POLR3B: variants seen among roughly 807,000 people sequenced by gnomAD.
POLR3B encodes RNA polymerase III subunit B.
POLR3B carries 96 observed loss-of-function variants against 147.4 expected under a neutral mutation model. The ratio of observed to expected loss-of-function variants is 0.65; its 90% CI spans 0.55 to 0.77. POLR3B has a LOEUF of 0.77. Among genes scored for constraint, POLR3B ranks in the 30% least tolerant of loss-of-function variants. The pLI is 0.00. For synonymous variants in POLR3B, 461 were observed against 485.9 expected, an observed-to-expected ratio of 0.95 and a Z score of 0.67; for missense variants, 1,036 against 1,413.5, an observed-to-expected ratio of 0.73 and a Z score of 4.28.
At chr12:106,383,682 T>C (rs753769350) in intron 9 of POLR3B, among the ~76,000 whole-genome samples, 7 of 152,038 alleles carry the variant, frequency 4.6e-5, no homozygotes, top group Non-Finnish European at 1.0e-4. Flanking sequence ...AATAGTAACG[T>C]CAAAGAACAC....
intron 5 of POLR3B, 37 bp downstream of exon 5, chr12:106,369,387 T>G (rs1410170967): frequency 8.3e-7 from 1 of 1,205,156 alleles, no homozygotes; most frequent in Non-Finnish European, 1.2e-6. Flanking sequence ...ACTTGTTTGC[T>G]TTAACTCAGA....
intron 23 of POLR3B, among the ~76,000 whole-genome samples, chr12:106,469,628 C>A (rs1000018192): frequency 1.3e-5 from 2 of 152,024 alleles, no homozygotes; most frequent in African/African-American, 4.8e-5. Context: ...TTCAGGAGCT[C>A]TTGTAAGGCA....
chr12:106,497,874 A>G (rs890726938), intron 25 of POLR3B, among the ~76,000 whole-genome samples: 11 of 152,088 alleles, frequency 7.2e-5, no homozygotes, highest in African/African-American at 2.4e-4. Context: ...TTGCTGCTTT[A>G]TTTTCCCTGT....
intron 23 of POLR3B, among the ~76,000 whole-genome samples, chr12:106,479,376 T>C (rs2038229242): frequency 6.6e-6 from 1 of 151,654 alleles, no homozygotes; most frequent in African/African-American, 2.4e-5. Context: ...TTTATATTCT[T>C]TCTCTCTCTC....
chr12:106,452,850 A>G (rs1352053109), intron 19 of POLR3B, among the ~76,000 whole-genome samples: 1 of 152,178 alleles, frequency 6.6e-6, no homozygotes, highest in Non-Finnish European at 1.5e-5. Context: ...ATTTAAGCAC[A>G]TACTGTCATA....
intron 23 of POLR3B, among the ~76,000 whole-genome samples, chr12:106,463,837 C>A (rs912865359): frequency 2.0e-5 from 3 of 152,108 alleles, no homozygotes; most frequent in African/African-American, 7.2e-5. Flanking sequence ...CTGTTTCATT[C>A]TCCTGCAGTT....
intron 11 of POLR3B, among the ~76,000 whole-genome samples, chr12:106,408,530 G>A (rs1219057590): frequency 6.6e-6 from 1 of 152,196 alleles, no homozygotes; most frequent in African/African-American, 2.4e-5. Flanking sequence ...TCTAGTGCAT[G>A]CTAAAGTTTA....
At chr12:106,414,709 C>T (rs1022345871) in intron 12 of POLR3B, among the ~76,000 whole-genome samples, 14 of 152,262 alleles carry the variant, frequency 9.2e-5, no homozygotes, top group African/African-American at 2.9e-4. Context: ...GAGAATCCAA[C>T]CCAGTATGCT....
chr12:106,463,801 A>G (rs1471268499), intron 23 of POLR3B, among the ~76,000 whole-genome samples, 181 bp downstream of exon 23: 1 of 152,220 alleles, frequency 6.6e-6, no homozygotes, highest in Admixed American at 6.5e-5. Flanking sequence ...TTAAAAATAC[A>G]TGGTAGACTT....
rs12322722 is a variant in POLR3B, at chr12:106,486,543, C to T, written c.2714-9512C>T. ...GACACTACCTTTTCTGAGGATGAAT[C>T]CTGCTGTTTTTTAGTATTATTTTCT... On this transcript the variant is annotated intron_variant, in intron 23 of 27. Transcript: ENST00000228347. 9.9e-3 allele frequency among the ~76,000 whole-genome samples: 1,507 copies of T among 152,202 alleles called. 21 individuals carry two copies. Among genetic ancestry groups the T allele is most frequent in the African/African-American group, 0.035 (1,446 of 41,498 alleles).
intron 27 of POLR3B, 97 bp from the exon 28 acceptor site, chr12:106,509,323 T>A: frequency 8.2e-7 from 1 of 1,226,142 alleles, no homozygotes; most frequent in East Asian, 2.4e-5. Flanking sequence ...TTTGATAGAA[T>A]GATAATAGAA....
chr12:106,420,751 A>G (rs2037363902), intron 12 of POLR3B, among the ~76,000 whole-genome samples: 1 of 152,176 alleles, frequency 6.6e-6, no homozygotes, highest in African/African-American at 2.4e-5. Flanking sequence ...AATAGCATTT[A>G]TAGGTAATTT....
intron 10 of POLR3B, among the ~76,000 whole-genome samples, chr12:106,397,287 T>C (rs117889148): frequency 1.4e-4 from 21 of 152,320 alleles, no homozygotes; most frequent in Non-Finnish European, 2.6e-4. Context: ...TTGTCAACAC[T>C]CTTACTTGGT....
chr12:106,476,071 A>G (rs1565908356), intron 23 of POLR3B, among the ~76,000 whole-genome samples: 1 of 148,398 alleles, frequency 6.7e-6, no homozygotes, highest in Non-Finnish European at 1.5e-5. Context: ...GGTGGTGACA[A>G]AATCTCTCAG....
In POLR3B at chr12:106,459,353, A is replaced by G; in HGVS notation, c.2555A>G (p.Lys852Arg). The change falls in exon 22 of 28, where the codon AAA becomes AGA. Residue 852 changes from lysine to arginine, a missense_variant. Coordinates refer to ENST00000228347, the MANE Select transcript of POLR3B (RefSeq NM_018082.6). ...GSNVPQQPQY[K>R]DVPITYKGAT... ...AATGTACCACAGCAACCACAGTACA[A>G]AGATGTACCCATAACGTATGTATTG... is the stretch of plus-strand genomic sequence containing the variant. The G allele has an allele frequency of 6.5e-7, 1 of 1,539,038 alleles. No homozygotes were observed. The highest frequency in any genetic ancestry group is 1.1e-5 in the South Asian group (1 of 89,572).
intron 19 of POLR3B, among the ~76,000 whole-genome samples, chr12:106,453,051 G>C (rs576468866): frequency 6.8e-6 from 1 of 147,510 alleles, no homozygotes; most frequent in Non-Finnish European, 1.5e-5. Flanking sequence ...TTGAGACAGG[G>C]TCTTGCTCTA....
intron 9 of POLR3B, among the ~76,000 whole-genome samples, chr12:106,381,673 C>T (rs2036765782): frequency 6.6e-6 from 1 of 152,216 alleles, no homozygotes; most frequent in Non-Finnish European, 1.5e-5. Context: ...TGGGAATCAG[C>T]TTCTTGCAAA....
At chr12:106,471,706 A>G (rs1289400429) in intron 23 of POLR3B, among the ~76,000 whole-genome samples, 1 of 152,118 alleles carries the variant, frequency 6.6e-6, no homozygotes, top group East Asian at 1.9e-4. Flanking sequence ...GATAGTAGTT[A>G]ATAGGTGAAT....
Position 106,357,938 on chromosome 12 carries a change from T to C in POLR3B, c.59T>C (p.Ile20Thr). The stretch of plus-strand genomic sequence containing the variant: ...ACTCCGGAGCAGCTGGCGGCGCCGA[T>C]CCCGACTGTAGAGGTCAGTGCCAGG... ...NLTPEQLAAP[I>T]PTVEEKWRLL... The change falls in exon 1 of 28, where the codon ATC (isoleucine) becomes ACC (threonine). Residue 20 changes from isoleucine (I) to threonine (T), a missense_variant. Ile to Thr is a moderately conservative substitution (Grantham distance 89). Transcript: ENST00000228347. The C allele has an allele frequency of 1.2e-6, 2 of 1,613,032 alleles. No homozygotes were observed. The highest frequency in any genetic ancestry group is 1.7e-5 in the Admixed American group (1 of 60,008).
Sources: allele counts gnomAD v4.1 joint callset (sites outside exome capture counted in the v4.1 genomes callset), GRCh38; gene constraint gnomAD v4.1.1; transcripts MANE v1.5; gene names NCBI Gene and HGNC (gene_info 2026-07-23, HGNC 2026-07-21).